Variants in DSCAM observed in about 807,000 individuals in gnomAD.
DSCAM encodes DS cell adhesion molecule.
In DSCAM, 47 loss-of-function variants were observed where a neutral mutation model predicts 217.7. The ratio of observed to expected loss-of-function variants is 0.22; its 90% CI spans 0.17 to 0.28. DSCAM has a LOEUF of 0.28. DSCAM is among the 10% of genes least tolerant of loss of function. The pLI is 1.00. For synonymous variants in DSCAM, 1,056 were observed against 1,015.3 expected (o/e 1.04, Z -0.76); for missense variants, 2,080 against 2,618.3 (o/e 0.79, Z 4.49).
rs115746806 is a variant in DSCAM, at chr21:40,146,723, T to C, written c.3019-1992A>G. ...TAAACCATTTATTTATTTGTATCTG[T>C]TGGCTCGGAGTTAGACCCTGGTGGA... On this transcript the variant is annotated intron_variant, in intron 16 of 32. Transcript: ENST00000400454. Among the ~76,000 whole-genome samples, 1,321 of 152,326 alleles carry C rather than the reference T, an allele frequency of 8.7e-3. 20 individuals carry two copies. Among genetic ancestry groups the C allele is most frequent in the African/African-American group, 0.03 (1,260 of 41,570 alleles).
intron 14 of DSCAM, among the ~76,000 whole-genome samples, chr21:40,180,950 T>A (rs1162958370): frequency 1.3e-5 from 2 of 152,082 alleles, no homozygotes; most frequent in Admixed American, 1.3e-4. Context: ...ATCTCAGTGA[T>A]GTCACCTTGT....
chr21:40,595,556 C>T (rs897311223), intron 3 of DSCAM, among the ~76,000 whole-genome samples: 6 of 152,148 alleles, frequency 3.9e-5, no homozygotes, highest in Non-Finnish European at 7.4e-5. Context: ...CCAAGCTCTG[C>T]CCTGAAGGCC....
chr21:40,458,755 A>G (rs772629771), intron 3 of DSCAM, among the ~76,000 whole-genome samples: 2 of 152,166 alleles, frequency 1.3e-5, no homozygotes, highest in Non-Finnish European at 2.9e-5. Context: ...AGGACAGATA[A>G]TTCATATTCC....
At chr21:40,395,174 A>C (rs955435931) in intron 3 of DSCAM, among the ~76,000 whole-genome samples, 1 of 152,206 alleles carries the variant, frequency 6.6e-6, no homozygotes, top group Non-Finnish European at 1.5e-5. Flanking sequence ...CTGGTTCCAA[A>C]AATAATTTGA....
intron 1 of DSCAM, among the ~76,000 whole-genome samples, chr21:40,736,847 T>G (rs1253449039): frequency 6.6e-6 from 1 of 152,192 alleles, no homozygotes; most frequent in African/African-American, 2.4e-5. Context: ...TTAATTTTAC[T>G]TAAAAACCCT....
At chr21:40,404,388 C>T (rs574074535) in intron 3 of DSCAM, among the ~76,000 whole-genome samples, 1 of 152,256 alleles carries the variant, frequency 6.6e-6, no homozygotes, top group South Asian at 2.1e-4. Flanking sequence ...AAGTGATTTC[C>T]TAAGATCCAG....
intron 9 of DSCAM, among the ~76,000 whole-genome samples, chr21:40,305,076 C>T (rs141389587): frequency 5.6e-4 from 85 of 152,054 alleles, no homozygotes; most frequent in Non-Finnish European, 8.8e-4. Flanking sequence ...GTAAAAAATG[C>T]GATATCTGGG....
chr21:40,610,899 G>T (rs1298553232), intron 3 of DSCAM, among the ~76,000 whole-genome samples: 5 of 152,128 alleles, frequency 3.3e-5, no homozygotes, highest in Non-Finnish European at 7.3e-5. Flanking sequence ...AGTGCTTGCA[G>T]AATTTCTCCA....
chr21:40,391,181 G>A (rs1239182533), intron 3 of DSCAM, among the ~76,000 whole-genome samples: 2 of 152,188 alleles, frequency 1.3e-5, no homozygotes, highest in African/African-American at 4.8e-5. Flanking sequence ...CACAAAGACA[G>A]GTGAGAGCTA....
intron 3 of DSCAM, among the ~76,000 whole-genome samples, chr21:40,616,942 G>C (rs1220778779): frequency 6.8e-6 from 1 of 146,062 alleles, no homozygotes; most frequent in East Asian, 2.1e-4. Flanking sequence ...GCGTGAACCC[G>C]GGAGGCGGAG....
chr21:40,412,650 G>C (rs1044074176), intron 3 of DSCAM, among the ~76,000 whole-genome samples: 2 of 152,224 alleles, frequency 1.3e-5, no homozygotes, highest in African/African-American at 4.8e-5. Context: ...GCTGTTAAAG[G>C]CATTCAGTTT....
chr21:40,813,527 T>C (rs949657254), intron 1 of DSCAM, among the ~76,000 whole-genome samples: 25 of 152,220 alleles, frequency 1.6e-4, no homozygotes, highest in African/African-American at 5.3e-4. Context: ...TATCATTCAG[T>C]TCAAAGAATT....
At chr21:40,084,911 T>C (rs996732857) in intron 23 of DSCAM, among the ~76,000 whole-genome samples, 14 of 152,234 alleles carry the variant, frequency 9.2e-5, no homozygotes, top group Middle Eastern at 3.4e-3. Context: ...GAGAACAGTA[T>C]TGATTTTATT....
intron 3 of DSCAM, among the ~76,000 whole-genome samples, chr21:40,611,120 G>A (rs1342363776): frequency 5.6e-5 from 8 of 142,482 alleles, no homozygotes; most frequent in East Asian, 4.3e-4. Flanking sequence ...GTACAGTGGC[G>A]CGATCTCGGC....
chr21:40,477,855 G>T (rs2075950371), intron 3 of DSCAM, among the ~76,000 whole-genome samples: 1 of 151,896 alleles, frequency 6.6e-6, no homozygotes, highest in Non-Finnish European at 1.5e-5. Context: ...TAAAAAACTT[G>T]TCAGTAAAGT....
intron 20 of DSCAM, among the ~76,000 whole-genome samples, chr21:40,103,307 A>G (rs1181220799): frequency 6.6e-6 from 1 of 151,902 alleles, no homozygotes; most frequent in African/African-American, 2.4e-5. Flanking sequence ...GTGATTTCAT[A>G]GATAGAATGT....
chr21:40,715,556 C>G (rs199832233), intron 1 of DSCAM, among the ~76,000 whole-genome samples: 2 of 152,280 alleles, frequency 1.3e-5, no homozygotes, highest in South Asian at 4.2e-4. Context: ...CCAACCATAA[C>G]TAAAGTCTTT....
intron 3 of DSCAM, among the ~76,000 whole-genome samples, chr21:40,430,572 C>G (rs2205088): frequency 1.3e-5 from 2 of 152,014 alleles, no homozygotes; most frequent in African/African-American, 4.8e-5. Context: ...CAGACAGCCT[C>G]TTGTGAGATC....
intron 3 of DSCAM, among the ~76,000 whole-genome samples, chr21:40,525,009 C>CAAAAAAAAAAATAAA (rs2076389280): frequency 1.8e-5 from 1 of 56,122 alleles, no homozygotes; most frequent in Non-Finnish European, 3.8e-5. Context: ...GACTCAGTCT[C>CAAAAAAAAAAATAAA]AAAAAAAAAA....
Sources: allele counts gnomAD v4.1 joint callset (sites outside exome capture counted in the v4.1 genomes callset), GRCh38; gene constraint gnomAD v4.1.1; transcripts MANE v1.5; gene names NCBI Gene and HGNC (gene_info 2026-07-23, HGNC 2026-07-21).